The following RDX variants were observed in gnomAD, a reference collection of about 807,000 sequenced individuals.
RDX encodes radixin, also known as deafness, autosomal recessive 24.
A neutral mutation model predicts 83.7 loss-of-function variants in RDX; 32 were observed. The ratio of observed to expected loss-of-function variants is 0.38; its 90% CI spans 0.29 to 0.51. The LOEUF (loss-of-function observed/expected upper bound fraction) is 0.51. Among genes scored for constraint, RDX ranks in the 20% least tolerant of loss-of-function variants. RDX has a pLI of 0.87. For missense variants in RDX, 600 were observed against 689.9 expected (o/e 0.87, Z 1.46); for synonymous variants, 229 against 222.7 (o/e 1.03, Z -0.25).
chr11:110,268,945 T>C (rs1860177082), intron 3 of RDX, among the ~76,000 whole-genome samples: 1 of 150,098 alleles, frequency 6.7e-6, no homozygotes, highest in Non-Finnish European at 1.5e-5. Context: ...TTTTTAAAAA[T>C]GTTTAAAAAT....
Position 110,257,802 on chromosome 11 carries a change from A to T in RDX, c.663T>A (p.Asp221Glu). 1 of 1,612,186 alleles carries T rather than the reference A, an allele frequency of 6.2e-7. No homozygotes were observed. Among genetic ancestry groups the T allele is most frequent in the Non-Finnish European group, 8.5e-7 (1 of 1,179,704 alleles). Residue 221 changes from aspartate to glutamate, a missense_variant, in exon 7 of 14, where the codon GAT becomes GAA. Transcript: ENST00000645495. ...KKGTELWLGV[D>E]ALGLNIYEHD... ...GCTCATAAATATTCAGACCCAAAGC[A>T]TCAACACCTAGCCACAATTCAGTTC...
downstream of RDX, among the ~76,000 whole-genome samples, chr11:110,227,813 T>TA (rs1414296210): frequency 1.3e-5 from 2 of 152,062 alleles, no homozygotes; most frequent in Admixed American, 1.3e-4. Context: ...AGCCAAAACA[T>TA]AAACCTGAAT....
chr11:110,232,039 T>C lies in RDX; in HGVS notation c.1588-6A>G. The C allele has an allele frequency of 6.2e-7, 1 of 1,603,912 alleles. No individual in the cohort carries two copies. Among genetic ancestry groups the C allele is most frequent in the South Asian group, 1.1e-5 (1 of 90,536 alleles). On this transcript the variant is annotated splice_region_variant and splice_polypyrimidine_tract_variant and intron_variant, in intron 13 of 13. Transcript: ENST00000645495. Reference sequence around the variant, plus strand: ...GCTAATTCTGAACTTAATGCCTATTTAAAAAATAAAAAGTACAACTATTAT... The same window carrying C: ...GCTAATTCTGAACTTAATGCCTATTCAAAAAATAAAAAGTACAACTATTAT...
chr11:110,288,975 C>T (rs1861101982), intron 1 of RDX, among the ~76,000 whole-genome samples: 1 of 152,146 alleles, frequency 6.6e-6, no homozygotes, highest in African/African-American at 2.4e-5. Context: ...TGGTGGCTCA[C>T]ACCTGCAATC....
intron 3 of RDX, among the ~76,000 whole-genome samples, chr11:110,267,937 G>C (rs1591169693): frequency 1.3e-5 from 2 of 151,430 alleles, no homozygotes; most frequent in East Asian, 1.9e-4. Flanking sequence ...CTCAGTGACA[G>C]AGCAAGACCC....
intron 1 of RDX, among the ~76,000 whole-genome samples, chr11:110,290,204 G>A (rs984830368): frequency 2.0e-5 from 3 of 152,082 alleles, no homozygotes; most frequent in African/African-American, 7.2e-5. Context: ...GCTGCAAGGA[G>A]TATTAATTAA....
chr11:110,291,334 A>T (rs544912415), intron 1 of RDX, among the ~76,000 whole-genome samples: 1 of 152,226 alleles, frequency 6.6e-6, no homozygotes, highest in South Asian at 2.1e-4. Context: ...AGTGACAGAG[A>T]GAAGGAGGGA....
intron 14 of RDX, among the ~76,000 whole-genome samples, chr11:110,220,832 T>A (rs1864219380): frequency 6.8e-6 from 1 of 147,052 alleles, no homozygotes; most frequent in Non-Finnish European, 1.5e-5. Context: ...AGACTATGTA[T>A]CTAATGTGCT....
intron 3 of RDX, among the ~76,000 whole-genome samples, chr11:110,271,176 G>T (rs906281486): frequency 1.3e-5 from 2 of 152,196 alleles, no homozygotes; most frequent in East Asian, 3.8e-4. Flanking sequence ...CAAATCAGGA[G>T]ATTAAGTATA....
chr11:110,208,151 A>T lies in RDX; in HGVS notation c.1749-8473T>A, dbSNP rs529350556. On this transcript the variant is annotated intron_variant, in intron 14 of 15. Coordinates refer to the RDX transcript ENST00000528498. ...TATTTTTATCTACAAAGCCATTCAA[A>T]TAACCCACACAGAGCATCTGAAAAA... Among the ~76,000 whole-genome samples, 6 of 152,318 alleles carry T rather than the reference A, an allele frequency of 3.9e-5. No individual in the cohort carries two copies. In the South Asian group the frequency reaches 6.2e-4, roughly 16 times the overall value.
intron 14 of RDX, among the ~76,000 whole-genome samples, chr11:110,216,532 A>AT (rs1048294109): frequency 5.3e-5 from 7 of 131,858 alleles, no homozygotes; most frequent in Admixed American, 3.9e-4. Context: ...TACCACACCA[A>AT]TTTTTTTTCT....
At chr11:110,194,024 G>C (rs956085756) in intron 15 of RDX, among the ~76,000 whole-genome samples, 2 of 152,250 alleles carry the variant, frequency 1.3e-5, no homozygotes, top group Non-Finnish European at 2.9e-5. Flanking sequence ...GGAATTAGCT[G>C]TTGAAGGCAG....
intron 15 of RDX, chr11:110,175,274 C>T (rs910139644): frequency 6.6e-6 from 1 of 152,188 alleles, no homozygotes; most frequent in African/African-American, 2.4e-5. Context: ...CTAATGTTTC[C>T]AATCATGCTC....
intron 14 of RDX, among the ~76,000 whole-genome samples, chr11:110,211,428 G>C (rs1457889589): frequency 5.3e-5 from 8 of 150,006 alleles, no homozygotes; most frequent in Non-Finnish European, 8.9e-5. Flanking sequence ...AGATCAACGA[G>C]ACAGAAAGTC....
intron 15 of RDX, among the ~76,000 whole-genome samples, chr11:110,178,643 A>C (rs961348995): frequency 6.6e-6 from 1 of 152,150 alleles, no homozygotes; most frequent in Non-Finnish European, 1.5e-5. Context: ...AGAAAATATA[A>C]AAGTCAGAAG....
intron 15 of RDX, among the ~76,000 whole-genome samples, chr11:110,179,700 AG>A (rs1862842382): frequency 6.6e-6 from 1 of 152,052 alleles, no homozygotes; most frequent in Non-Finnish European, 1.5e-5. Flanking sequence ...TTGAACCCAG[AG>A]GCAGAAGTTG....
At chr11:110,182,063 A>C (rs2134217873) in intron 15 of RDX, among the ~76,000 whole-genome samples, 1 of 152,216 alleles carries the variant, frequency 6.6e-6, no homozygotes, top group East Asian at 1.9e-4. Flanking sequence ...AAGGTGGGGG[A>C]GAGACACCCA....
At chr11:110,244,363 CAAAAAAAAAAAA>C (rs71053874) in intron 10 of RDX, among the ~76,000 whole-genome samples, 17 of 51,312 alleles carry the variant, frequency 3.3e-4, no homozygotes, top group East Asian at 2.5e-3. Context: ...GATTCTGGCT[CAAAAAAAAAAAA>C]AAAAAAAAAA....
chr11:110,233,120 C>A, intron 13 of RDX, 117 bp downstream of exon 13: 2 of 1,285,974 alleles, frequency 1.6e-6, no homozygotes, highest in Non-Finnish European at 2.2e-6. Context: ...CACCCACAAA[C>A]CAATCACAAG....
Sources: gnomAD v4.1 joint callset for allele counts (sites outside exome capture counted in the v4.1 genomes callset) on GRCh38, gnomAD v4.1.1 for gene constraint, MANE v1.5 for transcripts, NCBI Gene and HGNC (gene_info 2026-07-23, HGNC 2026-07-21) for gene names.